Variants in MAP7D3 observed in about 807,000 individuals in gnomAD.
MAP7D3 encodes MAP7 domain containing 3.
MAP7D3 carries 45 observed loss-of-function variants against 62.2 expected under a neutral mutation model. The observed-to-expected ratio is 0.72, with a 90% confidence interval of 0.57 to 0.93. The LOEUF (loss-of-function observed/expected upper bound fraction) is 0.93. Ranked by LOEUF, MAP7D3 falls within the 40% of genes least tolerant of loss-of-function variation. The pLI, the probability that MAP7D3 is intolerant of heterozygous loss-of-function variation, is 0.00. For synonymous variants in MAP7D3, 288 were observed against 248.8 expected (o/e 1.16, Z -1.48); for missense variants, 711 against 683.1 (o/e 1.04, Z -0.45).
At chrX:136,229,955 TTGTG>T (rs56189227) in intron 10 of MAP7D3, among the ~76,000 whole-genome samples, 1 of 59,857 alleles carries the variant, frequency 1.7e-5, no homozygotes, top group East Asian at 6.8e-4. Flanking sequence ...ATTTTTTTTT[TTGTG>T]TGTGTATATA....
rs748346047 is a variant in MAP7D3 at position 136,239,818 on chromosome X, AGT to A, written c.640+562_640+563del. Among the ~76,000 whole-genome samples the A allele has an allele frequency of 4.4e-3, 501 of 112,652 alleles. 1 individual carries two copies. The highest frequency in any genetic ancestry group is 0.015 in the African/African-American group (476 of 31,061). On this transcript the variant is annotated intron_variant, in intron 6 of 18. Transcript: ENST00000316077. ...ATAAATAATTATGCCACTTAATGGC[AGT>A]GTCTTTTGACCAAAATATGTTTCAG...
intron 1 of MAP7D3, among the ~76,000 whole-genome samples, chrX:136,248,168 C>G (rs1422620538): frequency 8.9e-6 from 1 of 112,018 alleles, no homozygotes. Context: ...TGCACTCCAG[C>G]CTGGGCAACC....
chrX:136,225,001 C>T, intron 13 of MAP7D3, 121 bp from the exon 14 acceptor site: 1 of 461,730 alleles, frequency 2.2e-6, no homozygotes, highest in Non-Finnish European at 3.6e-6. Flanking sequence ...GCTCCAAAAC[C>T]ACAAATATTA....
In MAP7D3 at chrX:136,251,392, G is replaced by C. The variant is rs767094339; in HGVS notation, c.-34C>G. The C allele has an allele frequency of 4.5e-5, 47 of 1,047,225 alleles. 1 individual carries two copies. The East Asian group carries it at 1.1e-3, about 24-fold the overall frequency. 86.3% of individuals were successfully genotyped at this position (1,047,225 alleles called of 1,213,427 possible). A position where few individuals can be genotyped will look rare whatever the true frequency, so the allele number is the denominator to read the frequency against. On this transcript the variant is annotated 5_prime_UTR_variant, in exon 1 of 19. Transcript: ENST00000316077. The stretch of plus-strand genomic sequence containing the variant: ...GGACCGGAGGCGGTGGTGGCTCTCC[G>C]CATACATTGCGCAGGCGTCGGCGCG...
Position 136,227,369 on chromosome X carries a change from A to C in MAP7D3, c.1949T>G (p.Leu650Trp), listed in dbSNP as rs1245734840. 11 of 1,196,441 alleles carry C rather than the reference A, an allele frequency of 9.2e-6. No homozygotes were observed. Among genetic ancestry groups the C allele is most frequent in the Non-Finnish European group, 1.1e-5 (10 of 887,503 alleles). The change falls in exon 12 of 19, where the codon TTG (leucine) becomes TGG (tryptophan). Residue 650 changes from leucine to tryptophan, a missense_variant. Leu to Trp is a moderately conservative substitution (Grantham distance 61). Transcript: ENST00000316077. ...TTGTTGCTGCCCATCTTTGAGTTTC[A>C]AGTGGTCTTCTGCTTGGCCTCCAAC... The part of the protein sequence containing the change: ...EAVGGQAEDH[L>W]KLKDGQQQNE...
chrX:136,232,924 T>C (rs1331221745), intron 7 of MAP7D3, among the ~76,000 whole-genome samples: 2 of 111,810 alleles, frequency 1.8e-5, no homozygotes, highest in Non-Finnish European at 3.8e-5. Context: ...GCATAAAAAG[T>C]ACATACTGTT....
intron 7 of MAP7D3, among the ~76,000 whole-genome samples, chrX:136,235,673 C>T (rs747775938): frequency 1.2e-3 from 135 of 110,407 alleles, no homozygotes; most frequent in African/African-American, 4.1e-3. Context: ...CGCTTGAACC[C>T]GGGAGGTGGA....
intron 13 of MAP7D3, among the ~76,000 whole-genome samples, chrX:136,225,425 T>C (rs977842866): frequency 9.0e-6 from 1 of 111,488 alleles, no homozygotes; most frequent in African/African-American, 3.3e-5. Context: ...AGGTGACCAA[T>C]CTACTACCAG....
chrX:136,238,634 G>GTGGT (rs2074356242), intron 6 of MAP7D3, among the ~76,000 whole-genome samples: 1 of 111,346 alleles, frequency 9.0e-6, no homozygotes, highest in Non-Finnish European at 1.9e-5. Flanking sequence ...GAGGGTGGAG[G>GTGGT]TGGTAAGTGG....
intron 14 of MAP7D3, among the ~76,000 whole-genome samples, chrX:136,223,313 T>C (rs1268606990): frequency 9.0e-6 from 1 of 111,187 alleles, no homozygotes; most frequent in Non-Finnish European, 1.9e-5. Context: ...TAGCATAGAA[T>C]GTAAAAAGCA....
Position 136,231,553 on chromosome X carries a change from G to A in MAP7D3, c.1404C>T (p.Asp468=), listed in dbSNP as rs780117758. The change falls in exon 8 of 19, where the codon GAC becomes GAT. Residue 468 remains aspartate (D), a synonymous_variant. Transcript: ENST00000316077. ...MEASPKAKAR[D]APKKSEMDKQ... ...CAGGCACTTGACAAACCTTTGGAGC[G>A]TCTCTCGCTTTTGCCTTGGGAGATG... 29 of 1,194,476 alleles carry A rather than the reference G, an allele frequency of 2.4e-5. No homozygotes were observed. The highest frequency in any genetic ancestry group is 3.5e-5 in the African/African-American group (2 of 56,831).
chrX:136,242,811 G>A (rs991032757), intron 4 of MAP7D3, among the ~76,000 whole-genome samples: 1 of 111,302 alleles, frequency 9.0e-6, no homozygotes, highest in Non-Finnish European at 1.9e-5. Context: ...TTCTTTCTTC[G>A]TTTATCATTA....
At position 136,243,682 on chromosome X, in the gene MAP7D3, G is replaced by A. The variant is rs1344237049; in HGVS notation, c.417+950C>T. 4.6e-5 allele frequency among the ~76,000 whole-genome samples: 5 copies of A among 108,859 alleles called. No individual in the cohort carries two copies. In the East Asian group the frequency reaches 1.4e-3, roughly 31 times the overall value. 94.5% of individuals were successfully genotyped at this position (108,859 alleles called of 115,157 possible). ...CACGCCACTATACTCCAGCCTGGGCGACAGAGTGAGACTCTGTCTCAAAGA... is the reference window on the plus strand; with the variant it reads ...CACGCCACTATACTCCAGCCTGGGCAACAGAGTGAGACTCTGTCTCAAAGA... On this transcript the variant is annotated intron_variant, in intron 4 of 18. Coordinates refer to ENST00000316077, the MANE Select transcript of MAP7D3 (RefSeq NM_024597.4).
chrX:136,231,054 A>G, intron 8 of MAP7D3, 88 bp from the exon 9 acceptor site: 1 of 681,409 alleles, frequency 1.5e-6, no homozygotes, highest in Non-Finnish European at 2.1e-6. Context: ...AGAGAAAAAC[A>G]TTCTGAATAA....
At chrX:136,247,809 G>A (rs974249001) in intron 1 of MAP7D3, among the ~76,000 whole-genome samples, 2 of 111,795 alleles carry the variant, frequency 1.8e-5, no homozygotes, top group African/African-American at 6.5e-5. Flanking sequence ...TTATGTGAGT[G>A]CAGAGAAAAC....
At chrX:136,254,427 A>G (rs1012518546), upstream of MAP7D3, among the ~76,000 whole-genome samples, 3 of 110,894 alleles carry the variant, frequency 2.7e-5, no homozygotes, top group Middle Eastern at 4.6e-3. Flanking sequence ...CTTATTTGTA[A>G]ACACTGTCAC....
chrX:136,237,732 T>C (rs1013192157), intron 6 of MAP7D3, among the ~76,000 whole-genome samples: 2 of 111,948 alleles, frequency 1.8e-5, no homozygotes, highest in Non-Finnish European at 3.8e-5. Context: ...CCCTTCTCTT[T>C]TTTTTATTAT....
chrX:136,215,961 G>A (rs1286671773), downstream of MAP7D3, among the ~76,000 whole-genome samples: 1 of 111,430 alleles, frequency 9.0e-6, no homozygotes, highest in African/African-American at 3.3e-5. Context: ...TCAGGGTGAT[G>A]AAAATGTTCC....
At chrX:136,219,743 C>T in intron 16 of MAP7D3, 72 bp from the exon 17 acceptor site, 1 of 788,799 alleles carries the variant, frequency 1.3e-6, no homozygotes, top group Non-Finnish European at 2.0e-6. Flanking sequence ...GAAGCTTTGT[C>T]CTTTAATTAA....
Sources: allele counts gnomAD v4.1 joint callset (sites outside exome capture counted in the v4.1 genomes callset), GRCh38; gene constraint gnomAD v4.1.1; transcripts MANE v1.5; gene names NCBI Gene and HGNC (gene_info 2026-07-23, HGNC 2026-07-21).